Variants in IL1R1 observed in about 807,000 individuals in gnomAD.
IL1R1 encodes interleukin-1 receptor type 1.
In IL1R1, 22 loss-of-function variants were observed where a neutral mutation model predicts 50.2. That is an observed-to-expected ratio of 0.44 (90% CI 0.31 to 0.63). IL1R1 has a LOEUF of 0.63. Among genes scored for constraint, IL1R1 ranks in the 20% least tolerant of loss-of-function variants. The pLI, the probability that IL1R1 is intolerant of heterozygous loss-of-function variation, is 0.07. For missense variants in IL1R1, 509 were observed against 676.2 expected, an observed-to-expected ratio of 0.75 and a Z score of 2.74; for synonymous variants, 251 against 236.7, an observed-to-expected ratio of 1.06 and a Z score of -0.55.
chr2:102,129,298 A>T (rs118080212), intron 1 of IL1R1, among the ~76,000 whole-genome samples: 2 of 151,338 alleles, frequency 1.3e-5, no homozygotes, highest in Non-Finnish European at 2.9e-5. Flanking sequence ...CAACAACAAA[A>T]CCAAAACAAG....
intron 1 of IL1R1, among the ~76,000 whole-genome samples, chr2:102,074,339 T>C (rs1182214780): frequency 1.3e-5 from 2 of 151,542 alleles, no homozygotes; most frequent in African/African-American, 4.9e-5. Context: ...TTCACACGTC[T>C]GGTGCTTTGG....
At chr2:102,086,467 T>C (rs1679433049) in intron 1 of IL1R1, among the ~76,000 whole-genome samples, 1 of 152,212 alleles carries the variant, frequency 6.6e-6, no homozygotes, top group Non-Finnish European at 1.5e-5. Context: ...AATATGTAAA[T>C]TAATATTTTT....
At chr2:102,116,073 C>T (rs1577881644) in intron 1 of IL1R1, among the ~76,000 whole-genome samples, 1 of 152,154 alleles carries the variant, frequency 6.6e-6, no homozygotes, top group Non-Finnish European at 1.5e-5. Context: ...CTGTGTGGCC[C>T]ATGTAGGTTG....
At chr2:102,134,968 T>G (rs1489387854) in intron 1 of IL1R1, among the ~76,000 whole-genome samples, 2 of 152,210 alleles carry the variant, frequency 1.3e-5, no homozygotes, top group Non-Finnish European at 2.9e-5. Context: ...ATGCCCAGAT[T>G]TAGCTGGGAT....
intron 1 of IL1R1, among the ~76,000 whole-genome samples, chr2:102,084,097 A>G (rs993736937): frequency 3.9e-5 from 6 of 152,188 alleles, no homozygotes; most frequent in Admixed American, 1.3e-4. Flanking sequence ...ATCTCTCGCA[A>G]TCTCAATTTT....
chr2:102,172,975 T>C (rs1006560811), intron 9 of IL1R1, 137 bp downstream of exon 9: 13 of 620,778 alleles, frequency 2.1e-5, no homozygotes, highest in Non-Finnish European at 3.4e-5. Flanking sequence ...ATTTCTCTTT[T>C]ACTCTTCTGC....
Position 102,165,286 on chromosome 2 carries a change from T to G in IL1R1, c.468T>G (p.Pro156=), listed in dbSNP as rs200912516. The change falls in exon 5 of 12, where the codon CCT becomes CCG. Residue 156 remains proline (P), a synonymous_variant. Transcript: ENST00000410023. ...TTAAAAATGAAAATAATGAGTTACCTAAATTACAGTGGTATAAGGTAATTT... is the reference window on the plus strand; with the variant it reads ...TTAAAAATGAAAATAATGAGTTACCGAAATTACAGTGGTATAAGGTAATTT... The part of the protein sequence containing the change: ...EFFKNENNEL[P]KLQWYKDCKP... 6.4e-6 allele frequency: 10 copies of G among 1,556,634 alleles called. No homozygotes were observed. The highest frequency in any genetic ancestry group is 8.7e-6 in the Non-Finnish European group (10 of 1,151,884).
chr2:102,093,884 G>A (rs768228007), intron 1 of IL1R1, among the ~76,000 whole-genome samples: 1 of 152,264 alleles, frequency 6.6e-6, no homozygotes, highest in South Asian at 2.1e-4. Flanking sequence ...AGCTGCAGTG[G>A]GGCATCCCCG....
At chr2:102,073,675 T>C (rs568151124) in intron 1 of IL1R1, among the ~76,000 whole-genome samples, 1 of 152,308 alleles carries the variant, frequency 6.6e-6, no homozygotes, top group East Asian at 1.9e-4. Flanking sequence ...CTTTCTTGGA[T>C]GCCAAATAGA....
intron 1 of IL1R1, among the ~76,000 whole-genome samples, chr2:102,120,748 TC>T (rs1262624419): frequency 6.6e-6 from 1 of 152,234 alleles, no homozygotes; most frequent in Non-Finnish European, 1.5e-5. Context: ...ATTATGTTTG[TC>T]ATGTATTATC....
At chr2:102,166,067 A>G in intron 5 of IL1R1, 46 bp from the exon 6 acceptor site, 1 of 1,526,668 alleles carries the variant, frequency 6.6e-7, no homozygotes, top group South Asian at 1.2e-5. Flanking sequence ...GATTGGGGAA[A>G]GTTATTGGTT....
At chr2:102,089,352 G>T (rs1301886405) in intron 1 of IL1R1, among the ~76,000 whole-genome samples, 1 of 152,130 alleles carries the variant, frequency 6.6e-6, no homozygotes. Context: ...CTGGTCTGTG[G>T]GACAGTCAGA....
At chr2:102,127,028 G>A (rs1308426439) in intron 1 of IL1R1, among the ~76,000 whole-genome samples, 1 of 152,218 alleles carries the variant, frequency 6.6e-6, no homozygotes, top group East Asian at 1.9e-4. Context: ...CCCCTCTTGT[G>A]AACCCTTGGG....
At chr2:102,100,080 C>T (rs10469838), upstream of IL1R1, among the ~76,000 whole-genome samples, 4,437 of 152,290 alleles carry the variant, frequency 0.029, 218 homozygotes, top group African/African-American at 0.099. Flanking sequence ...ATTCTCCTTT[C>T]CTGCATTCAA....
At position 102,177,039 on chromosome 2, in the gene IL1R1, G is replaced by A; in HGVS notation, c.*280G>A. 2.9e-6 allele frequency: 1 copy of A among 346,704 alleles called. No homozygotes were observed. The highest frequency in any genetic ancestry group is 5.3e-6 in the Non-Finnish European group (1 of 187,244). 21.5% of individuals were successfully genotyped at this position (346,704 alleles called of 1,614,324 possible). ...CCAGCACTTTGGGAGGCTGAAGTGG[G>A]TGGATCACCAGAGGTCAGGAGTTCG... On this transcript the variant is annotated 3_prime_UTR_variant, in exon 12 of 12. Transcript: ENST00000410023.
At chr2:102,150,003 AT>A (rs1257214338) in intron 1 of IL1R1, among the ~76,000 whole-genome samples, 5 of 152,072 alleles carry the variant, frequency 3.3e-5, no homozygotes, top group Non-Finnish European at 7.4e-5. Context: ...TTCTGATACT[AT>A]CTGGGGTGCG....
intron 1 of IL1R1, among the ~76,000 whole-genome samples, chr2:102,113,751 T>G (rs1214090764): frequency 6.6e-6 from 1 of 152,224 alleles, no homozygotes; most frequent in Non-Finnish European, 1.5e-5. Context: ...TCTGCTATTC[T>G]AGAACCGGCC....
At chr2:102,155,678 C>CT (rs1684119639) in intron 2 of IL1R1, among the ~76,000 whole-genome samples, 1 of 152,268 alleles carries the variant, frequency 6.6e-6, no homozygotes, top group African/African-American at 2.4e-5. Context: ...TCCCACCCCC[C>CT]TGACTGTTTC....
chr2:102,130,012 G>C (rs184903454), intron 1 of IL1R1, among the ~76,000 whole-genome samples: 1 of 152,106 alleles, frequency 6.6e-6, no homozygotes, highest in Non-Finnish European at 1.5e-5. Context: ...TTTAAAAAAC[G>C]AAAGTATCAA....
Sources: gnomAD v4.1 joint callset for allele counts (sites outside exome capture counted in the v4.1 genomes callset) on GRCh38, gnomAD v4.1.1 for gene constraint, MANE v1.5 for transcripts, NCBI Gene and HGNC (gene_info 2026-07-23, HGNC 2026-07-21) for gene names.